RORA: variants seen among roughly 807,000 people sequenced by gnomAD.
The protein encoded by RORA is nuclear receptor ROR-alpha.
In RORA, 7 loss-of-function variants were observed where a neutral mutation model predicts 69.5. That is an observed-to-expected ratio of 0.10 (90% confidence interval 0.06 to 0.19). The LOEUF is 0.19. Ranked by LOEUF, RORA falls within the 10% of genes least tolerant of loss-of-function variation. RORA has a pLI of 1.00. For synonymous variants in RORA, 261 were observed against 240.8 expected (o/e 1.08, Z -0.78); for missense variants, 457 against 663.0 (o/e 0.69, Z 3.41).
intron 1 of RORA, among the ~76,000 whole-genome samples, chr15:61,158,991 T>C (rs545736197): frequency 6.6e-6 from 1 of 152,320 alleles, no homozygotes; most frequent in East Asian, 1.9e-4. Context: ...GATTCAATCT[T>C]AGTCATTTTA....
At chr15:61,064,126 A>G (rs2078224470) in intron 1 of RORA, among the ~76,000 whole-genome samples, 2 of 152,222 alleles carry the variant, frequency 1.3e-5, no homozygotes, top group South Asian at 2.1e-4. Flanking sequence ...TAATTAGAGG[A>G]CAGAGTGATC....
chr15:61,109,817 G>A (rs1328656909), intron 1 of RORA, among the ~76,000 whole-genome samples: 1 of 152,164 alleles, frequency 6.6e-6, no homozygotes. Flanking sequence ...CTGTAAATGG[G>A]TGTGATTATA....
rs759034916 is a variant in RORA at position 60,902,052 on chromosome 15, T to G, written c.167-223366A>C. On this transcript the variant is annotated intron_variant, in intron 1 of 10. Transcript: ENST00000335670. ...AATTAACCATAGTGAATCAGATTCATTTTCTATGCTACTACTGAAATATGA... is the reference window on the plus strand; with the variant it reads ...AATTAACCATAGTGAATCAGATTCAGTTTCTATGCTACTACTGAAATATGA... Among the ~76,000 whole-genome samples the G allele has an allele frequency of 2.0e-5, 3 of 152,228 alleles. 1 individual carries two copies. The highest frequency in any genetic ancestry group is 2.9e-5 in the Non-Finnish European group (2 of 68,046).
intron 2 of RORA, among the ~76,000 whole-genome samples, chr15:60,663,426 C>T (rs2070332968): frequency 2.6e-5 from 4 of 152,190 alleles, no homozygotes; most frequent in Admixed American, 2.0e-4. Context: ...GCAAGGTGAG[C>T]TAAATTAATG....
intron 1 of RORA, among the ~76,000 whole-genome samples, chr15:60,720,163 C>G (rs1418840615): frequency 6.6e-6 from 1 of 152,116 alleles, no homozygotes; most frequent in Non-Finnish European, 1.5e-5. Flanking sequence ...ATGACCTGCC[C>G]TAGGTGCTTC....
intron 3 of RORA, among the ~76,000 whole-genome samples, chr15:60,516,137 TTA>T (rs1234694148): frequency 3.1e-5 from 2 of 64,948 alleles, no homozygotes; most frequent in Admixed American, 2.8e-4. Flanking sequence ...TTAAATATAT[TTA>T]TATATATTTA....
intron 2 of RORA, among the ~76,000 whole-genome samples, chr15:60,566,401 G>A (rs1220799865): frequency 6.6e-6 from 1 of 152,080 alleles, no homozygotes; most frequent in East Asian, 1.9e-4. Context: ...CTTGGTCATA[G>A]GCAGGGAAGA....
chr15:60,621,953 C>T (rs1276151216), intron 2 of RORA, among the ~76,000 whole-genome samples: 1 of 151,748 alleles, frequency 6.6e-6, no homozygotes, highest in Non-Finnish European at 1.5e-5. Flanking sequence ...GAGGCTGAGG[C>T]AGGAGAATTG....
At chr15:61,015,434 A>G (rs895641234) in intron 1 of RORA, among the ~76,000 whole-genome samples, 1 of 152,128 alleles carries the variant, frequency 6.6e-6, no homozygotes, top group Non-Finnish European at 1.5e-5. Flanking sequence ...ATATTAATTC[A>G]AAATTTTTAA....
At chr15:61,182,416 G>C (rs1337768712) in intron 1 of RORA, among the ~76,000 whole-genome samples, 1 of 152,158 alleles carries the variant, frequency 6.6e-6, no homozygotes, top group African/African-American at 2.4e-5. Flanking sequence ...CTAGCCCTGA[G>C]CACCATTTCC....
rs542133749 is a variant in RORA, at chr15:60,711,752, G to A, written c.167-33066C>T. Among the ~76,000 whole-genome samples the A allele has an allele frequency of 5.3e-5, 8 of 152,280 alleles. No homozygotes were observed. In the East Asian group the frequency reaches 7.7e-4, roughly 15 times the overall value. The stretch of plus-strand genomic sequence containing the variant: ...TAAGAAAGAAGATATTTCTTTTGGG[G>A]AAGATGATTTAACCTTTGATTGGAC... On this transcript the variant is annotated intron_variant, in intron 1 of 10. Transcript: ENST00000335670.
At chr15:60,778,171 T>C (rs1008725102) in intron 1 of RORA, among the ~76,000 whole-genome samples, 9 of 152,216 alleles carry the variant, frequency 5.9e-5, no homozygotes, top group Non-Finnish European at 8.8e-5. Flanking sequence ...GGGATCAATG[T>C]GCTTCATAAT....
At chr15:60,876,095 C>A (rs531404833) in intron 1 of RORA, among the ~76,000 whole-genome samples, 2 of 152,304 alleles carry the variant, frequency 1.3e-5, no homozygotes, top group Non-Finnish European at 2.9e-5. Flanking sequence ...TATACCACCA[C>A]ACCCTCCTGA....
intron 1 of RORA, among the ~76,000 whole-genome samples, chr15:61,053,543 G>A (rs1345570200): frequency 6.6e-6 from 1 of 152,038 alleles, no homozygotes; most frequent in South Asian, 2.1e-4. Flanking sequence ...GCAGATGCCA[G>A]GATGACCCTC....
chr15:60,738,052 A>G (rs1316191376), intron 1 of RORA, among the ~76,000 whole-genome samples: 1 of 152,218 alleles, frequency 6.6e-6, no homozygotes, highest in East Asian at 1.9e-4. Flanking sequence ...TTGAAAAGAA[A>G]GACCTATTGG....
chr15:60,978,337 C>T (rs1893937036), intron 1 of RORA, among the ~76,000 whole-genome samples: 1 of 152,152 alleles, frequency 6.6e-6, no homozygotes, highest in African/African-American at 2.4e-5. Flanking sequence ...TATTCACACC[C>T]TTTGCCTATT....
chr15:61,190,179 GA>G (rs3053993), intron 1 of RORA, among the ~76,000 whole-genome samples: 6,940 of 151,540 alleles, frequency 0.046, 382 homozygotes, highest in East Asian at 0.15. Context: ...ATTTGGTCCA[GA>G]AAAAAAAAAA....
chr15:60,959,844 G>T (rs529645966), intron 1 of RORA, among the ~76,000 whole-genome samples: 1 of 152,080 alleles, frequency 6.6e-6, no homozygotes, highest in East Asian at 1.9e-4. Context: ...TGCCATAAAG[G>T]TTTATGGTAG....
At chr15:61,065,925 T>C (rs1228884079) in intron 1 of RORA, among the ~76,000 whole-genome samples, 1 of 152,234 alleles carries the variant, frequency 6.6e-6, no homozygotes, top group Non-Finnish European at 1.5e-5. Flanking sequence ...CTTTCTACCA[T>C]GGTCAGTGTT....
Sources: gnomAD v4.1 joint callset for allele counts (sites outside exome capture counted in the v4.1 genomes callset) on GRCh38, gnomAD v4.1.1 for gene constraint, MANE v1.5 for transcripts, NCBI Gene and HGNC (gene_info 2026-07-23, HGNC 2026-07-21) for gene names.